BLTP1: variants seen among roughly 807,000 people sequenced by gnomAD.
BLTP1 encodes bridge-like lipid transfer protein family member 1.
the BLTP1 span, chr4:122,190,430 A>T: frequency 1.0e-6 from 1 of 978,534 alleles, no homozygotes; most frequent in Non-Finnish European, 1.2e-6. Context: ...CATAGCTACA[A>T]TTCTATTTCT....
the BLTP1 span, chr4:122,267,024 CT>C: frequency 2.0e-6 from 1 of 501,290 alleles, no homozygotes; most frequent in Non-Finnish European, 3.3e-6. Context: ...TTTAACGTTA[CT>C]TTCGTGTAAT....
the BLTP1 span, chr4:122,311,008 GT>G: frequency 1.9e-6 from 1 of 513,982 alleles, no homozygotes; most frequent in Non-Finnish European, 2.5e-6. Context: ...CATATCTTTT[GT>G]TTTTTTAATA....
At chr4:122,248,293 G>T in the BLTP1 span, among the ~76,000 whole-genome samples, 6 of 152,044 alleles carry the variant, frequency 3.9e-5, no homozygotes, top group East Asian at 5.8e-4. Flanking sequence ...TTTGCACTGG[G>T]TATTATACAG....
the BLTP1 span, among the ~76,000 whole-genome samples, chr4:122,285,515 C>T: frequency 2.6e-5 from 4 of 152,004 alleles, no homozygotes; most frequent in African/African-American, 9.6e-5. Context: ...TCACAGATGC[C>T]CCAGTTGGTG....
the BLTP1 span, chr4:122,328,452 T>G: frequency 8.7e-7 from 1 of 1,143,762 alleles, no homozygotes; most frequent in Non-Finnish European, 1.2e-6. Flanking sequence ...CAAAAAACAT[T>G]TTTAATGTGC....
At chr4:122,194,585 T>A in the BLTP1 span, 1 of 969,922 alleles carries the variant, frequency 1.0e-6, no homozygotes, top group Non-Finnish European at 1.2e-6. Context: ...AAAGGTTTAT[T>A]TTATTAGGTT....
At chr4:122,174,726 A>G in the BLTP1 span, 9 of 1,141,100 alleles carry the variant, frequency 7.9e-6, no homozygotes, top group African/African-American at 1.1e-4. Context: ...GTTTTATGAT[A>G]TTTTATTGAA....
the BLTP1 span, among the ~76,000 whole-genome samples, chr4:122,283,634 G>A: frequency 6.6e-6 from 1 of 152,122 alleles, no homozygotes; most frequent in Non-Finnish European, 1.5e-5. Context: ...AGCCCTGTGA[G>A]TAGCCAGGAC....
chr4:122,181,261 A>T, the BLTP1 span: 4 of 968,446 alleles, frequency 4.1e-6, no homozygotes, highest in African/African-American at 5.3e-5. Context: ...AAAGAGCTAT[A>T]CTGGACAACT....
the BLTP1 span, chr4:122,238,121 T>G: frequency 6.2e-7 from 1 of 1,613,818 alleles, no homozygotes; most frequent in Admixed American, 1.7e-5. Flanking sequence ...GAGGAAAGAA[T>G]GGGAAAACAA....
At chr4:122,158,078 C>T in the BLTP1 span, among the ~76,000 whole-genome samples, 11 of 152,068 alleles carry the variant, frequency 7.2e-5, no homozygotes, top group Admixed American at 5.2e-4. Context: ...AATAGTTTTA[C>T]TTCAAAAAAA....
chr4:122,292,720 G>A, the BLTP1 span: 1 of 429,266 alleles, frequency 2.3e-6, no homozygotes, highest in Non-Finnish European at 3.1e-6. Context: ...CTGGTTATGA[G>A]AATAACTAGA....
At chr4:122,201,183 T>C in the BLTP1 span, 1 of 1,344,114 alleles carries the variant, frequency 7.4e-7, no homozygotes, top group African/African-American at 1.5e-5. Flanking sequence ...CTTGTTTACA[T>C]TTGATAAGTT....
chr4:122,172,947 G>C, the BLTP1 span: 4 of 1,578,818 alleles, frequency 2.5e-6, no homozygotes, highest in Non-Finnish European at 3.4e-6. Flanking sequence ...TCAACCTCTG[G>C]TTTTAAAATT....
At chr4:122,192,473 A>G in the BLTP1 span, 10 of 850,860 alleles carry the variant, frequency 1.2e-5, no homozygotes, top group South Asian at 2.2e-5. Context: ...TTTATAAACT[A>G]TTTTATTATG....
chr4:122,302,276 C>G, the BLTP1 span: 2 of 979,842 alleles, frequency 2.0e-6, no homozygotes. Flanking sequence ...TTTATCAGTT[C>G]ATTAGACATA....
At chr4:122,222,610 G>T in the BLTP1 span, among the ~76,000 whole-genome samples, 1 of 151,968 alleles carries the variant, frequency 6.6e-6, no homozygotes, top group Non-Finnish European at 1.5e-5. Context: ...CTCTTCTTAG[G>T]CTCTGGTGGT....
chr4:122,280,662 TAAA>T, the BLTP1 span, among the ~76,000 whole-genome samples: 4 of 83,034 alleles, frequency 4.8e-5, no homozygotes, highest in African/African-American at 1.2e-4. Context: ...AAATTCCATC[TAAA>T]AAAAAAAAAA....
the BLTP1 span, among the ~76,000 whole-genome samples, chr4:122,351,955 G>T: frequency 4.6e-5 from 7 of 152,158 alleles, no homozygotes; most frequent in Admixed American, 4.6e-4. Context: ...AATAAACGTT[G>T]TATGTTTGAT....
Sources: gnomAD v4.1 joint callset for allele counts (sites outside exome capture counted in the v4.1 genomes callset) on GRCh38, gnomAD v4.1.1 for gene constraint, MANE v1.5 for transcripts, NCBI Gene and HGNC (gene_info 2026-07-23, HGNC 2026-07-21) for gene names.